Variants in DFFA observed in about 807,000 individuals in gnomAD.
The protein encoded by DFFA is DFF45.
DFFA carries 14 observed loss-of-function variants against 28.0 expected under a neutral mutation model. The observed-to-expected ratio is 0.50, with a 90% confidence interval of 0.33 to 0.78. The LOEUF (loss-of-function observed/expected upper bound fraction) is 0.78, where lower values mean the gene tolerates loss of function less well. Among genes scored for constraint, DFFA ranks in the 30% least tolerant of loss-of-function variants. The pLI, the probability that DFFA is intolerant of heterozygous loss-of-function variation, is 0.02. For missense variants in DFFA, 395 were observed against 407.1 expected, an observed-to-expected ratio of 0.97 and a Z score of 0.26; for synonymous variants, 158 against 170.3, an observed-to-expected ratio of 0.93 and a Z score of 0.56.
chr1:10,469,432 C>CA (rs1254732684), intron 1 of DFFA, 94 bp from the exon 2 acceptor site: 2 of 1,099,482 alleles, frequency 1.8e-6, no homozygotes. Flanking sequence ...CAGAGCTGAG[C>CA]AGAACTCCTG....
At chr1:10,466,059 G>T (rs374977744) in intron 3 of DFFA, among the ~76,000 whole-genome samples, 1 of 152,002 alleles carries the variant, frequency 6.6e-6, no homozygotes, top group Non-Finnish European at 1.5e-5. Flanking sequence ...GAGGTGGGAG[G>T]ATGGCTTGAG....
In DFFA at chr1:10,472,359, C is replaced by T. The variant is rs1024563183; in HGVS notation, c.100G>A (p.Val34Met). Residue 34 changes from valine (V) to methionine (M), a missense_variant, in exon 1 of 6, where the codon GTG (valine) becomes ATG (methionine). Physicochemically the swap from Val to Met is conservative, Grantham distance 21. Coordinates refer to ENST00000377038, the MANE Select transcript of DFFA (RefSeq NM_004401.3). The surrounding 1 kb of genome is among the most constrained non-coding windows in gnomAD (Gnocchi z 5.0). ...AGGTCTTCGAGGCAGGAGGCGGCCA[C>T]GCCGTGCTGTTCGCGGCTGTAGTTG... The part of the protein sequence containing the change: ...RRNYSREQHG[V>M]AASCLEDLRS... 1.9e-6 allele frequency: 3 copies of T among 1,609,674 alleles called. No individual in the cohort carries two copies. The highest frequency in any genetic ancestry group is 1.7e-5 in the Admixed American group (1 of 59,678).
chr1:10,464,068 G>C (rs1053043279), intron 3 of DFFA, among the ~76,000 whole-genome samples: 1 of 151,778 alleles, frequency 6.6e-6, no homozygotes, highest in Non-Finnish European at 1.5e-5. Context: ...TTGGCAGACA[G>C]TCAAGAGAAA....
chr1:10,470,590 A>C (rs1009768448), intron 1 of DFFA, among the ~76,000 whole-genome samples: 2 of 150,050 alleles, frequency 1.3e-5, no homozygotes, highest in Admixed American at 6.6e-5. Context: ...ACGCCCGGCT[A>C]ATTTTTTTGT....
At chr1:10,462,154 A>T (rs370207143) in intron 5 of DFFA, among the ~76,000 whole-genome samples, 3 of 151,052 alleles carry the variant, frequency 2.0e-5, no homozygotes, top group Admixed American at 6.6e-5. Flanking sequence ...CACCGCGCCC[A>T]GCCTGCCATG....
At chr1:10,462,830 A>T (rs888887720) in intron 5 of DFFA, 68 of 1,384,210 alleles carry the variant, frequency 4.9e-5, no homozygotes, top group Non-Finnish European at 6.1e-5. Flanking sequence ...CCAACCTTGG[A>T]CCAGAGTCTG....
In DFFA at chr1:10,472,237, G is replaced by A. The variant is rs1372403602; in HGVS notation, c.136+86C>T. 1 of 1,431,182 alleles carries A rather than the reference G, an allele frequency of 7.0e-7. No homozygotes were observed. Among genetic ancestry groups the A allele is most frequent in the African/African-American group, 1.5e-5 (1 of 68,798 alleles). 88.7% of individuals were successfully genotyped at this position (1,431,182 alleles called of 1,614,324 possible). A position where few individuals can be genotyped will look rare whatever the true frequency, so the allele number is the denominator to read the frequency against. On this transcript the variant is annotated intron_variant, in intron 1 of 5. Coordinates refer to ENST00000377038, the MANE Select transcript of DFFA (RefSeq NM_004401.3). The surrounding 1 kb of genome is among the most constrained non-coding windows in gnomAD (Gnocchi z 5.0). ...CCCGAGATACAAGAATCCCCAAGTC[G>A]CCTCTCCTGACCCCGCCTCGCCCCC... is the stretch of plus-strand genomic sequence containing the variant.
intron 3 of DFFA, among the ~76,000 whole-genome samples, chr1:10,464,181 C>T (rs530011637): frequency 6.7e-4 from 102 of 152,100 alleles, no homozygotes; most frequent in Non-Finnish European, 1.3e-3. Context: ...CAAGCTCCGC[C>T]TCCTGGGTTC....
intron 5 of DFFA, 73 bp downstream of exon 5, chr1:10,462,985 C>T (rs373341798): frequency 2.5e-5 from 39 of 1,590,254 alleles, no homozygotes; most frequent in African/African-American, 4.0e-5. Flanking sequence ...AGGGCCCACA[C>T]ACCTCTGCAT....
rs1399783372 is a variant in DFFA at position 10,469,292 on chromosome 1, C to CA, written c.182dup (p.Val62GlyfsTer11). 1.9e-6 allele frequency: 3 copies of CA among 1,614,160 alleles called. No homozygotes were observed. Among genetic ancestry groups the CA allele is most frequent in the African/African-American group, 2.7e-5 (2 of 75,040 alleles). On this transcript the variant is annotated frameshift_variant, in exon 2 of 6. Transcript: ENST00000377038. LOFTEE classifies it high-confidence loss of function. The stretch of plus-strand genomic sequence containing the variant: ...CTATGGTGCCATCCTCTGCCAGGAC[C>CA]AGGGTGACTGGTGTCAGGGACTTAT...
chr1:10,461,463 G>A lies in DFFA; in HGVS notation c.*27C>T, dbSNP rs75387702. 1 of 1,603,174 alleles carries A rather than the reference G, an allele frequency of 6.2e-7. No individual in the cohort carries two copies. Among genetic ancestry groups the A allele is most frequent in the Admixed American group, 1.7e-5 (1 of 57,858 alleles). On this transcript the variant is annotated 3_prime_UTR_variant, in exon 6 of 6. Transcript: ENST00000377038. ...TCTACCAATAACACAACGCCACAGA[G>A]CTTCCTTGGCACACTTCCCGCTGCT... is the stretch of plus-strand genomic sequence containing the variant.
rs1335259149 is a variant in DFFA at position 10,459,558 on chromosome 1, T to G, written c.*1932A>C. ...TAATATGTATCTTTAAACAAACACA[T>G]AAAAAAATTCATTAACTGGAGAAAC... On this transcript the variant is annotated 3_prime_UTR_variant, in exon 6 of 6. Transcript: ENST00000377038. 2 of 151,916 alleles carry G rather than the reference T, an allele frequency of 1.3e-5. No individual in the cohort carries two copies. The highest frequency in any genetic ancestry group is 2.9e-5 in the Non-Finnish European group (2 of 67,986). 9.4% of individuals were successfully genotyped at this position (151,916 alleles called of 1,614,324 possible). A position where few individuals can be genotyped will look rare whatever the true frequency, so the allele number is the denominator to read the frequency against.
rs767375414 is a variant in DFFA, at chr1:10,461,203, T to C, written c.*287A>G. 3.2e-4 allele frequency: 114 copies of C among 351,028 alleles called. No individual in the cohort carries two copies. Among genetic ancestry groups the C allele is most frequent in the Middle Eastern group, 9.5e-4 (1 of 1,050 alleles). 21.7% of individuals were successfully genotyped at this position (351,028 alleles called of 1,614,324 possible). ...GATTACAGGCGTGAGCCACTGCGCC[T>C]GGCCAATCACTGCCAATTACTTTTG... On this transcript the variant is annotated 3_prime_UTR_variant, in exon 6 of 6. Transcript: ENST00000377038.
intron 3 of DFFA, among the ~76,000 whole-genome samples, chr1:10,465,857 A>T (rs1188529): frequency 0.62 from 94,432 of 151,770 alleles, 30,086 homozygotes; most frequent in East Asian, 0.71. Flanking sequence ...ACACCTAGCT[A>T]ATTTTTGTAG....
At chr1:10,462,895 TTAA>T in intron 5 of DFFA, 160 bp downstream of exon 5, 3 of 1,435,046 alleles carry the variant, frequency 2.1e-6, no homozygotes, top group Non-Finnish European at 2.7e-6. Flanking sequence ...TTGATTTAGA[TTAA>T]TGAGATTTTT....
rs746384142 is a variant in DFFA at position 10,469,305 on chromosome 1, G to A, written c.170C>T (p.Thr57Ile). 8 of 1,614,086 alleles carry A rather than the reference G, an allele frequency of 5.0e-6. No homozygotes were observed. Among genetic ancestry groups the A allele is most frequent in the Middle Eastern group, 1.7e-4 (1 of 6,060 alleles). Residue 57 changes from threonine to isoleucine, a missense_variant, in exon 2 of 6, where the codon ACA becomes ATA. Coordinates refer to ENST00000377038, the MANE Select transcript of DFFA (RefSeq NM_004401.3). ...CDILAIDKSL[T>I]PVTLVLAEDG... The stretch of plus-strand genomic sequence containing the variant: ...CTCTGCCAGGACCAGGGTGACTGGT[G>A]TCAGGGACTTATCAATGGCCAGAAT...
At chr1:10,462,142 G>A (rs1448801711) in intron 5 of DFFA, among the ~76,000 whole-genome samples, 1 of 151,866 alleles carries the variant, frequency 6.6e-6, no homozygotes, top group Non-Finnish European at 1.5e-5. Flanking sequence ...ACAGGCGTGA[G>A]CCACCGCGCC....
At chr1:10,467,398 G>C in intron 2 of DFFA, 66 bp from the exon 3 acceptor site, 9 of 1,550,708 alleles carry the variant, frequency 5.8e-6, no homozygotes. Context: ...TCCTCCCCCA[G>C]CACACACAGA....
chr1:10,471,534 A>G (rs1042187192), intron 1 of DFFA, among the ~76,000 whole-genome samples: 4 of 152,174 alleles, frequency 2.6e-5, no homozygotes, highest in Non-Finnish European at 5.9e-5. Context: ...GAAAATTTCC[A>G]TATGATTTCT....
Sources: allele counts gnomAD v4.1 joint callset (sites outside exome capture counted in the v4.1 genomes callset), GRCh38; gene constraint gnomAD v4.1.1; non-coding constraint Gnocchi (gnomAD v3.1); transcripts MANE v1.5; gene names NCBI Gene and HGNC (gene_info 2026-07-23, HGNC 2026-07-21).